Variants in CYRIB observed in about 807,000 individuals in gnomAD.
CYRIB encodes the protein CYFIP related Rac1 interactor B.
CYRIB carries 8 observed loss-of-function variants against 44.2 expected under a neutral mutation model. The ratio of observed to expected loss-of-function variants is 0.18; its 90% CI spans 0.11 to 0.33. The LOEUF is 0.33. CYRIB is among the 10% of genes least tolerant of loss of function. The pLI, the probability that CYRIB is intolerant of heterozygous loss-of-function variation, is 1.00. For synonymous variants in CYRIB, 131 were observed against 127.2 expected, an observed-to-expected ratio of 1.03 and a Z score of -0.20; for missense variants, 185 against 382.8, an observed-to-expected ratio of 0.48 and a Z score of 4.31.
chr8:129,958,275 G>A (rs546858469), intron 2 of CYRIB, among the ~76,000 whole-genome samples: 2 of 152,314 alleles, frequency 1.3e-5, no homozygotes, highest in East Asian at 3.9e-4. Context: ...GCAGTGAAGT[G>A]TGTACACACA....
chr8:129,960,879 G>A (rs1233231777), intron 2 of CYRIB, among the ~76,000 whole-genome samples: 1 of 150,974 alleles, frequency 6.6e-6, no homozygotes, highest in African/African-American at 2.4e-5. Flanking sequence ...GAACCCGGGA[G>A]GCGGAGGTTG....
At chr8:129,911,885 C>T (rs149870299) in intron 1 of CYRIB, among the ~76,000 whole-genome samples, 36 of 152,242 alleles carry the variant, frequency 2.4e-4, no homozygotes, top group African/African-American at 8.4e-4. Context: ...GATACTTCAA[C>T]TCAGCTAAGT....
intron 1 of CYRIB, among the ~76,000 whole-genome samples, chr8:129,988,813 C>A (rs924131546): frequency 2.0e-5 from 3 of 151,686 alleles, no homozygotes; most frequent in Admixed American, 1.3e-4. Context: ...GAAAAACGAC[C>A]AGATGTGTAC....
intron 2 of CYRIB, among the ~76,000 whole-genome samples, chr8:129,957,091 G>A (rs1040559240): frequency 6.6e-5 from 10 of 152,016 alleles, no homozygotes; most frequent in Non-Finnish European, 1.5e-4. Context: ...CAAACTCCTG[G>A]GCTCAAGCAA....
chr8:129,847,040 T>C (rs370310759), intron 10 of CYRIB, 166 bp from the exon 13 acceptor site: 133 of 499,782 alleles, frequency 2.7e-4, no homozygotes, highest in African/African-American at 2.4e-3. Flanking sequence ...CTAAGAGTTA[T>C]TATTCTCACT....
intron 1 of CYRIB, among the ~76,000 whole-genome samples, chr8:130,004,760 A>C (rs2096998747): frequency 6.8e-6 from 1 of 147,590 alleles, no homozygotes; most frequent in Non-Finnish European, 1.5e-5. Context: ...GATTGTCAGG[A>C]ATTTTTTTTT....
chr8:129,898,016 G>C (rs1161188294), intron 2 of CYRIB, among the ~76,000 whole-genome samples: 1 of 151,884 alleles, frequency 6.6e-6, no homozygotes, highest in Non-Finnish European at 1.5e-5. Context: ...CACCCGCCTC[G>C]GCCTCTCAAG....
At chr8:129,885,708 G>A (rs2062478779) in intron 2 of CYRIB, among the ~76,000 whole-genome samples, 1 of 152,042 alleles carries the variant, frequency 6.6e-6, no homozygotes, top group South Asian at 2.1e-4. Flanking sequence ...GTTGTTGAAA[G>A]CTGCTGCTTT....
chr8:130,008,709 T>C (rs2097157938), intron 1 of CYRIB, among the ~76,000 whole-genome samples: 1 of 152,204 alleles, frequency 6.6e-6, no homozygotes. Flanking sequence ...CACAGAAATC[T>C]CCATTTGATT....
At chr8:129,928,599 G>A (rs1356945863) in intron 1 of CYRIB, among the ~76,000 whole-genome samples, 1 of 151,644 alleles carries the variant, frequency 6.6e-6, no homozygotes, top group Admixed American at 6.6e-5. Flanking sequence ...GTTCTAGGCT[G>A]CAGTAAGGTG....
At chr8:129,993,165 T>C (rs1443797804) in intron 1 of CYRIB, among the ~76,000 whole-genome samples, 13 of 142,220 alleles carry the variant, frequency 9.1e-5, no homozygotes, top group East Asian at 2.1e-4. Context: ...CCAAGGCGGG[T>C]GGATCACTTG....
At chr8:129,978,382 T>G (rs553242536) in intron 1 of CYRIB, among the ~76,000 whole-genome samples, 1 of 152,340 alleles carries the variant, frequency 6.6e-6, no homozygotes, top group South Asian at 2.1e-4. Flanking sequence ...GTGATTCCAA[T>G]TTGTCTTGGT....
At chr8:129,890,463 A>T (rs1588784382) in intron 2 of CYRIB, 1 of 152,216 alleles carries the variant, frequency 6.6e-6, no homozygotes, top group Admixed American at 6.5e-5. Flanking sequence ...TTTTTAAATT[A>T]AGGTATATAC....
chr8:129,855,084 A>G (rs2045490572), intron 6 of CYRIB, among the ~76,000 whole-genome samples: 1 of 152,198 alleles, frequency 6.6e-6, no homozygotes, highest in African/African-American at 2.4e-5. Context: ...GCAGAAAAGA[A>G]AAAGTATTAG....
chr8:129,999,875 C>T (rs2096868659), intron 1 of CYRIB, among the ~76,000 whole-genome samples: 3 of 152,160 alleles, frequency 2.0e-5, no homozygotes, highest in East Asian at 3.8e-4. Flanking sequence ...GCGATCCTCC[C>T]GCCTCTGCCT....
At chr8:129,964,077 G>C (rs2095380208) in intron 2 of CYRIB, among the ~76,000 whole-genome samples, 1 of 152,196 alleles carries the variant, frequency 6.6e-6, no homozygotes, top group Non-Finnish European at 1.5e-5. Context: ...TAGAAATGTG[G>C]CTGATTGCAG....
At chr8:129,875,577 G>T (rs967848289) in intron 3 of CYRIB, among the ~76,000 whole-genome samples, 2 of 151,896 alleles carry the variant, frequency 1.3e-5, no homozygotes, top group Non-Finnish European at 1.5e-5. Context: ...GCAATTTTGG[G>T]CTTATATTTT....
At chr8:129,881,464 G>A in intron 2 of CYRIB, among the ~76,000 whole-genome samples, 1 of 152,158 alleles carries the variant, frequency 6.6e-6, no homozygotes, top group East Asian at 1.9e-4. Flanking sequence ...CTTGAAAAAA[G>A]TTAGCACTTC....
exon 12 of CYRIB, chr8:129,840,493 G>C (rs1192398837): frequency 6.6e-6 from 1 of 152,220 alleles, no homozygotes; most frequent in African/African-American, 2.4e-5. Context: ...GTCACACGTG[G>C]AGATTCCCAG....
Sources: allele counts gnomAD v4.1 joint callset (sites outside exome capture counted in the v4.1 genomes callset), GRCh38; gene constraint gnomAD v4.1.1; transcripts MANE v1.5; gene names NCBI Gene and HGNC (gene_info 2026-07-23, HGNC 2026-07-21).